MNAT1: variants seen among roughly 807,000 people sequenced by gnomAD.
MNAT1 encodes the protein CDK-activating kinase assembly factor MAT1.
A neutral mutation model predicts 42.0 loss-of-function variants in MNAT1; 43 were observed. The observed-to-expected ratio is 1.02, with a 90% confidence interval of 0.80 to 1.32. The LOEUF is 1.32. MNAT1 is among the 40% of genes most tolerant of loss of function. MNAT1 has a pLI of 0.00. For synonymous variants in MNAT1, 118 were observed against 120.0 expected (o/e 0.98, Z 0.11); for missense variants, 306 against 350.4 (o/e 0.87, Z 1.01).
chr14:60,867,714 C>T (rs930814174), intron 6 of MNAT1, among the ~76,000 whole-genome samples: 1 of 152,046 alleles, frequency 6.6e-6, no homozygotes, highest in Non-Finnish European at 1.5e-5. Context: ...GTTTCAGTCT[C>T]CTCACTTATA....
At chr14:60,958,633 T>C (rs1467909793) in intron 7 of MNAT1, among the ~76,000 whole-genome samples, 4 of 69,054 alleles carry the variant, frequency 5.8e-5, no homozygotes, top group African/African-American at 1.9e-4. Context: ...CGAGACAAGG[T>C]CTTTTTTTTT....
intron 6 of MNAT1, among the ~76,000 whole-genome samples, chr14:60,878,346 A>C (rs2034477164): frequency 6.6e-6 from 1 of 152,104 alleles, no homozygotes; most frequent in Admixed American, 6.6e-5. Context: ...TTTTATTATT[A>C]TTACTGAAGA....
chr14:60,853,655 C>G (rs1484849964), intron 6 of MNAT1, among the ~76,000 whole-genome samples: 1 of 152,138 alleles, frequency 6.6e-6, no homozygotes, highest in Non-Finnish European at 1.5e-5. Context: ...CAGCTTTTGC[C>G]CATTCAGTAT....
chr14:60,853,115 A>G (rs1438464483), intron 6 of MNAT1, among the ~76,000 whole-genome samples: 1 of 151,782 alleles, frequency 6.6e-6, no homozygotes, highest in Non-Finnish European at 1.5e-5. Flanking sequence ...AATAGCATTG[A>G]CTCTATGAAT....
At chr14:60,749,433 T>C (rs534753834) in intron 1 of MNAT1, among the ~76,000 whole-genome samples, 5 of 152,292 alleles carry the variant, frequency 3.3e-5, no homozygotes, top group Admixed American at 3.3e-4. Flanking sequence ...CATAAAAATA[T>C]TATGTCTAAC....
At chr14:60,786,851 G>A (rs1192029514) in intron 1 of MNAT1, among the ~76,000 whole-genome samples, 3 of 152,274 alleles carry the variant, frequency 2.0e-5, no homozygotes, top group East Asian at 3.9e-4. Context: ...TTTAATAATA[G>A]CCTTTTCAGG....
chr14:60,774,102 G>A (rs2031162315), intron 1 of MNAT1, among the ~76,000 whole-genome samples: 1 of 152,236 alleles, frequency 6.6e-6, no homozygotes, highest in African/African-American at 2.4e-5. Context: ...GATATTGTCT[G>A]ATGGATAAGA....
intron 6 of MNAT1, among the ~76,000 whole-genome samples, chr14:60,829,874 TA>T (rs377617760): frequency 8.5e-5 from 13 of 152,354 alleles, no homozygotes; most frequent in African/African-American, 3.1e-4. Flanking sequence ...ATTTCAGCTT[TA>T]TAGATAATTA....
rs911976469 is a variant in MNAT1, at chr14:60,818,044, C to T, written c.562-678C>T. Among the ~76,000 whole-genome samples, 5 of 152,020 alleles carry T rather than the reference C, an allele frequency of 3.3e-5. No individual in the cohort carries two copies. In the South Asian group the frequency reaches 1.0e-3, roughly 32 times the overall value. ...TCATTTAGTTTAGACCTTAACTCCA[C>T]AGCACTTTAAAGATGTAAGAGGACT... On this transcript the variant is annotated intron_variant, in intron 5 of 7. Transcript: ENST00000261245.
At chr14:60,901,919 G>A (rs1478598553) in intron 7 of MNAT1, among the ~76,000 whole-genome samples, 2 of 152,196 alleles carry the variant, frequency 1.3e-5, no homozygotes, top group Non-Finnish European at 2.9e-5. Flanking sequence ...TATATAAACT[G>A]AGCTGATAAA....
At chr14:60,854,429 G>A (rs988064578) in intron 6 of MNAT1, among the ~76,000 whole-genome samples, 10 of 152,148 alleles carry the variant, frequency 6.6e-5, no homozygotes, top group Non-Finnish European at 1.2e-4. Flanking sequence ...TTTCCTCATC[G>A]TCGTGGATTT....
At chr14:60,793,464 G>C (rs1399810460) in intron 1 of MNAT1, among the ~76,000 whole-genome samples, 1 of 152,126 alleles carries the variant, frequency 6.6e-6, no homozygotes, top group Admixed American at 6.5e-5. Flanking sequence ...CTGGGCTCAA[G>C]TGATTGTCCT....
chr14:60,797,598 C>T (rs2032058360), intron 2 of MNAT1, among the ~76,000 whole-genome samples: 1 of 152,072 alleles, frequency 6.6e-6, no homozygotes, highest in South Asian at 2.1e-4. Flanking sequence ...TTAAGAATTG[C>T]ATTTTTGGTC....
At chr14:60,785,516 T>C (rs1334276991) in intron 1 of MNAT1, among the ~76,000 whole-genome samples, 1 of 152,238 alleles carries the variant, frequency 6.6e-6, no homozygotes, top group Non-Finnish European at 1.5e-5. Flanking sequence ...GAGAACATTG[T>C]ATTTTTAGAA....
intron 7 of MNAT1, among the ~76,000 whole-genome samples, chr14:60,921,442 A>C (rs1217742447): frequency 6.6e-6 from 1 of 152,182 alleles, no homozygotes; most frequent in African/African-American, 2.4e-5. Context: ...TATAATATAG[A>C]AAATCATAAG....
At chr14:60,827,217 G>A (rs892615802) in intron 6 of MNAT1, among the ~76,000 whole-genome samples, 2 of 152,086 alleles carry the variant, frequency 1.3e-5, no homozygotes, top group Non-Finnish European at 2.9e-5. Flanking sequence ...ATAGTCTGTG[G>A]TTGGTTTGGG....
chr14:60,937,827 G>A (rs1266840879), intron 7 of MNAT1, among the ~76,000 whole-genome samples: 3 of 151,956 alleles, frequency 2.0e-5, no homozygotes, highest in African/African-American at 4.8e-5. Flanking sequence ...GGGCAGTATG[G>A]CCATTTTCAC....
intron 7 of MNAT1, among the ~76,000 whole-genome samples, chr14:60,908,200 T>C (rs1438155294): frequency 1.3e-5 from 2 of 152,202 alleles, no homozygotes; most frequent in Admixed American, 1.3e-4. Flanking sequence ...GTTACTTATT[T>C]CTTTCATGAT....
chr14:60,893,483 A>G (rs1479954136), intron 7 of MNAT1, among the ~76,000 whole-genome samples: 1 of 152,142 alleles, frequency 6.6e-6, no homozygotes, highest in Non-Finnish European at 1.5e-5. Context: ...TTATTTGAAT[A>G]TTGGACATTC....
Sources: allele counts gnomAD v4.1 joint callset (sites outside exome capture counted in the v4.1 genomes callset), GRCh38; gene constraint gnomAD v4.1.1; transcripts MANE v1.5; gene names NCBI Gene and HGNC (gene_info 2026-07-23, HGNC 2026-07-21).